Variants in GALNTL6 observed in about 807,000 individuals in gnomAD.
The protein encoded by GALNTL6 is polypeptide N-acetylgalactosaminyltransferase like 6, also known as polypeptide N-acetylgalactosaminyltransferase-like 6.
In GALNTL6, 46 loss-of-function variants were observed where a neutral mutation model predicts 73.7. That is an observed-to-expected ratio of 0.62 (90% CI 0.49 to 0.80). The LOEUF (loss-of-function observed/expected upper bound fraction) is 0.80, where lower values mean the gene tolerates loss of function less well. Among genes scored for constraint, GALNTL6 ranks in the 30% least tolerant of loss-of-function variants. GALNTL6 has a pLI of 0.00. For synonymous variants in GALNTL6, 259 were observed against 263.7 expected (o/e 0.98, Z 0.17); for missense variants, 604 against 755.0 (o/e 0.80, Z 2.34).
chr4:172,903,890 G>A (rs1746751034), intron 8 of GALNTL6, among the ~76,000 whole-genome samples: 1 of 152,000 alleles, frequency 6.6e-6, no homozygotes, highest in Non-Finnish European at 1.5e-5. Context: ...TGTTACCTGG[G>A]TATATTGTAT....
chr4:172,720,880 G>GA (rs1263682682), intron 5 of GALNTL6, among the ~76,000 whole-genome samples: 9 of 152,132 alleles, frequency 5.9e-5, no homozygotes, highest in Admixed American at 1.3e-4. Flanking sequence ...TATCCTTTGG[G>GA]AGAACCAAGA....
At chr4:172,280,746 C>CA (rs1185001442) in intron 3 of GALNTL6, among the ~76,000 whole-genome samples, 2 of 152,002 alleles carry the variant, frequency 1.3e-5, no homozygotes, top group East Asian at 3.9e-4. Flanking sequence ...ACATATACAC[C>CA]AACCATAAAC....
Position 172,353,704 on chromosome 4 carries a change from A to G in GALNTL6, c.553+5015A>G, listed in dbSNP as rs34180643. Among the ~76,000 whole-genome samples the G allele has an allele frequency of 6.4e-4, 97 of 150,974 alleles. 5 individuals carry two copies. The South Asian group carries it at 0.02, about 31-fold the overall frequency. ...CAATAGATTTTATGCCAAGTTCACA[A>G]GGAAAAAATATTATATATATATATG... On this transcript the variant is annotated intron_variant, in intron 5 of 12. Transcript: ENST00000506823.
intron 2 of GALNTL6, among the ~76,000 whole-genome samples, chr4:172,087,823 A>C (rs1341165750): frequency 6.6e-6 from 1 of 151,666 alleles, no homozygotes; most frequent in African/African-American, 2.4e-5. Context: ...CATCTTTTTT[A>C]TATATATTTA....
At chr4:171,830,822 T>A (rs1734949268) in intron 2 of GALNTL6, among the ~76,000 whole-genome samples, 1 of 152,122 alleles carries the variant, frequency 6.6e-6, no homozygotes, top group African/African-American at 2.4e-5. Flanking sequence ...AATAACAAAA[T>A]ATAACCATTG....
chr4:172,115,312 C>T (rs900129635), intron 2 of GALNTL6, among the ~76,000 whole-genome samples: 3 of 151,990 alleles, frequency 2.0e-5, no homozygotes, highest in Non-Finnish European at 4.4e-5. Context: ...TCTGAAGGAA[C>T]CTTTTAGAAT....
At chr4:172,429,125 A>G (rs115608171) in intron 5 of GALNTL6, among the ~76,000 whole-genome samples, 1 of 151,686 alleles carries the variant, frequency 6.6e-6, no homozygotes. Flanking sequence ...GCATGCCTTC[A>G]TGAGCTAATC....
intron 4 of GALNTL6, among the ~76,000 whole-genome samples, chr4:172,329,932 G>A (rs1741070007): frequency 6.6e-6 from 1 of 152,082 alleles, no homozygotes; most frequent in Non-Finnish European, 1.5e-5. Context: ...CAGCTACACT[G>A]AGGGCAACAA....
intron 5 of GALNTL6, among the ~76,000 whole-genome samples, chr4:172,650,970 GGAAA>G (rs906604035): frequency 2.6e-5 from 4 of 152,064 alleles, no homozygotes; most frequent in African/African-American, 7.2e-5. Flanking sequence ...CAAGAAGTGG[GGAAA>G]GAGAGGGTTT....
At chr4:172,195,521 C>A (rs1368635261) in intron 2 of GALNTL6, among the ~76,000 whole-genome samples, 4 of 152,018 alleles carry the variant, frequency 2.6e-5, no homozygotes, top group Non-Finnish European at 5.9e-5. Context: ...CTAAAATTGG[C>A]CACATAACTG....
At chr4:172,379,507 G>T (rs375818614) in intron 5 of GALNTL6, among the ~76,000 whole-genome samples, 1 of 132,456 alleles carries the variant, frequency 7.5e-6, no homozygotes, top group African/African-American at 2.7e-5. Context: ...TCCGCAGTCC[G>T]GCCTGGGCGA....
intron 5 of GALNTL6, among the ~76,000 whole-genome samples, chr4:172,503,526 GTATATATA>G (rs3083398): frequency 2.3e-5 from 2 of 85,932 alleles, no homozygotes; most frequent in Non-Finnish European, 4.9e-5. Context: ...ACATAGAGTA[GTATATATA>G]TATATATATA....
intron 5 of GALNTL6, among the ~76,000 whole-genome samples, chr4:172,592,317 G>A (rs1038892333): frequency 3.9e-5 from 6 of 152,092 alleles, no homozygotes; most frequent in Non-Finnish European, 8.8e-5. Context: ...TCCTGAGAGG[G>A]AGAAGCCTTT....
At chr4:172,961,420 TG>T (rs1391484380) in intron 10 of GALNTL6, among the ~76,000 whole-genome samples, 3 of 152,002 alleles carry the variant, frequency 2.0e-5, no homozygotes, top group African/African-American at 7.3e-5. Flanking sequence ...TGGGGGTTCT[TG>T]CCCCCCCAGA....
At chr4:172,683,625 C>T (rs1412771688) in intron 5 of GALNTL6, among the ~76,000 whole-genome samples, 3 of 152,048 alleles carry the variant, frequency 2.0e-5, no homozygotes, top group Non-Finnish European at 4.4e-5. Flanking sequence ...GTAACTACAC[C>T]GTACATAACA....
At chr4:172,376,358 C>A (rs930438440) in intron 5 of GALNTL6, among the ~76,000 whole-genome samples, 5 of 152,034 alleles carry the variant, frequency 3.3e-5, no homozygotes, top group African/African-American at 4.8e-5. Context: ...GGGTGACATG[C>A]CTTTGAGAGT....
chr4:171,982,989 C>G (rs1739950593), intron 2 of GALNTL6, among the ~76,000 whole-genome samples: 2 of 152,184 alleles, frequency 1.3e-5, no homozygotes, highest in Admixed American at 6.5e-5. Context: ...CCATCTGCTT[C>G]ATGGCCTATC....
intron 5 of GALNTL6, among the ~76,000 whole-genome samples, chr4:172,669,961 T>C (rs1018957889): frequency 6.6e-6 from 1 of 152,242 alleles, no homozygotes; most frequent in African/African-American, 2.4e-5. Context: ...CTAAGGATAA[T>C]GGCCTCCAGC....
rs1732380893 is a variant in GALNTL6, at chr4:172,455,878, C to G, written c.553+107189C>G. On this transcript the variant is annotated intron_variant, in intron 5 of 12. Coordinates refer to ENST00000506823, the MANE Select transcript of GALNTL6 (RefSeq NM_001034845.3). ...GGACAGACTGCCTCCTCAAGTGGGT[C>G]CCTGACCCCAGTGCCTCCTGACTGG... 2.6e-5 allele frequency among the ~76,000 whole-genome samples: 4 copies of G among 152,184 alleles called. No individual in the cohort carries two copies. The South Asian group carries it at 8.3e-4, about 32-fold the overall frequency.
Sources: allele counts gnomAD v4.1 joint callset (sites outside exome capture counted in the v4.1 genomes callset), GRCh38; gene constraint gnomAD v4.1.1; transcripts MANE v1.5; gene names NCBI Gene and HGNC (gene_info 2026-07-23, HGNC 2026-07-21).